FMN2: variants seen among roughly 807,000 people sequenced by gnomAD.
FMN2 encodes formin 2, also known as formin-2.
In FMN2, 51 loss-of-function variants were observed where a neutral mutation model predicts 142.3. The ratio of observed to expected loss-of-function variants is 0.36; its 90% CI spans 0.29 to 0.45. The LOEUF is 0.45. Among genes scored for constraint, FMN2 ranks in the 20% least tolerant of loss-of-function variants. FMN2 has a pLI of 1.00. For synonymous variants in FMN2, 882 were observed against 869.8 expected (o/e 1.01, Z -0.25); for missense variants, 1,936 against 2,122.8 (o/e 0.91, Z 1.73).
chr1:240,395,700 A>G (rs1449893293), intron 15 of FMN2, among the ~76,000 whole-genome samples: 1 of 152,186 alleles, frequency 6.6e-6, no homozygotes, highest in Non-Finnish European at 1.5e-5. Context: ...AGTTGCTCCA[A>G]TCTCATAATA....
chr1:240,380,741 G>T (rs1572249732), intron 14 of FMN2, among the ~76,000 whole-genome samples: 1 of 142,360 alleles, frequency 7.0e-6, no homozygotes, highest in Non-Finnish European at 1.5e-5. Flanking sequence ...AAATGGCAAA[G>T]ATCAGAGCAG....
rs185496189 is a variant in FMN2, at chr1:240,338,589, G to A, written c.4765+4360G>A. On this transcript the variant is annotated intron_variant, in intron 13 of 17. Transcript: ENST00000319653. Reference sequence around the variant, plus strand: ...GAGTGGTATGATGAAACCTCCTGCCGTCTACCTTCATCCCTTCCGGCACGT... The same window carrying A: ...GAGTGGTATGATGAAACCTCCTGCCATCTACCTTCATCCCTTCCGGCACGT... 2.9e-3 allele frequency among the ~76,000 whole-genome samples: 444 copies of A among 152,100 alleles called. 4 individuals are homozygous for A. The highest frequency in any genetic ancestry group is 0.01 in the African/African-American group (428 of 41,480).
chr1:240,102,755 G>A (rs1661457640), intron 1 of FMN2, among the ~76,000 whole-genome samples: 2 of 152,076 alleles, frequency 1.3e-5, no homozygotes, highest in African/African-American at 4.8e-5. Flanking sequence ...TCAATATTTT[G>A]GGGATAGGCA....
chr1:240,348,545 T>G (rs1366889607), intron 13 of FMN2, among the ~76,000 whole-genome samples: 1 of 151,778 alleles, frequency 6.6e-6, no homozygotes, highest in Non-Finnish European at 1.5e-5. Flanking sequence ...TTTTTTGACT[T>G]TTTAAGAAAA....
At chr1:240,304,368 A>G (rs751917034) in intron 8 of FMN2, among the ~76,000 whole-genome samples, 6 of 151,454 alleles carry the variant, frequency 4.0e-5, no homozygotes, top group Non-Finnish European at 7.4e-5. Context: ...TTGTTTTTTG[A>G]TTTTTGTAGT....
intron 2 of FMN2, among the ~76,000 whole-genome samples, chr1:240,125,310 T>G (rs1203959888): frequency 6.6e-6 from 1 of 152,250 alleles, no homozygotes; most frequent in East Asian, 1.9e-4. Context: ...GTTTCCTTCC[T>G]GAGATTTGTT....
chr1:240,161,552 G>A (rs534996189), intron 2 of FMN2, among the ~76,000 whole-genome samples: 2 of 151,570 alleles, frequency 1.3e-5, no homozygotes, highest in Admixed American at 1.3e-4. Flanking sequence ...AAAAATACAA[G>A]TGGAAAGAGT....
chr1:240,132,156 T>G (rs868239629), intron 2 of FMN2, among the ~76,000 whole-genome samples: 15 of 152,182 alleles, frequency 9.9e-5, no homozygotes, highest in Middle Eastern at 3.2e-3. Flanking sequence ...GTTAGAATAC[T>G]AAAGACGGAA....
Position 240,178,077 on chromosome 1 carries a change from T to C in FMN2, c.1930+9T>C, listed in dbSNP as rs1269432982. 6.4e-7 allele frequency: 1 copy of C among 1,570,754 alleles called. No individual in the cohort carries two copies. Among genetic ancestry groups the C allele is most frequent in the Admixed American group, 2.0e-5 (1 of 49,796 alleles). On this transcript the variant is annotated intron_variant, in intron 3 of 17. Transcript: ENST00000319653. ...CGAGGATGCTGAAACAGGTAACCCTTTCCTTTGTCTTCAGAGATAACTGGA... is the reference window on the plus strand; with the variant it reads ...CGAGGATGCTGAAACAGGTAACCCTCTCCTTTGTCTTCAGAGATAACTGGA...
chr1:240,231,966 G>A (rs766968461), intron 6 of FMN2, among the ~76,000 whole-genome samples: 11 of 152,134 alleles, frequency 7.2e-5, no homozygotes, highest in Admixed American at 1.3e-4. Context: ...TCTTCCATAT[G>A]TTTTCTTCAC....
intron 13 of FMN2, among the ~76,000 whole-genome samples, chr1:240,340,124 T>C (rs1455243694): frequency 6.6e-6 from 1 of 152,180 alleles, no homozygotes; most frequent in African/African-American, 2.4e-5. Context: ...TTCCAGACTT[T>C]GGGTACTGTC....
At chr1:240,451,603 C>A (rs1160222852) in intron 16 of FMN2, among the ~76,000 whole-genome samples, 1 of 152,076 alleles carries the variant, frequency 6.6e-6, no homozygotes, top group East Asian at 1.9e-4. Context: ...TGCTCCCCAA[C>A]AGGGGCCTCA....
At chr1:240,346,464 A>G (rs1429590656) in intron 13 of FMN2, among the ~76,000 whole-genome samples, 2 of 152,078 alleles carry the variant, frequency 1.3e-5, no homozygotes, top group African/African-American at 4.8e-5. Flanking sequence ...GAACCCATGG[A>G]TAAGGGAGGG....
At position 240,092,085 on chromosome 1, in the gene FMN2, G is replaced by GGCGGCGCA. The variant is rs749672433; in HGVS notation, c.-22_-15dup. 2.0e-6 allele frequency: 3 copies of GGCGGCGCA among 1,535,376 alleles called. No individual in the cohort carries two copies. In the African/African-American group the frequency reaches 4.1e-5, roughly 21 times the overall value. ...GGGATGGCCTGAGTGCCCGCGGCGC[G>GGCGGCGCA]GCGGCGCAGCAGCGGGATTGCACCA... On this transcript the variant is annotated 5_prime_UTR_variant, in exon 1 of 18. Coordinates refer to ENST00000319653, the MANE Select transcript of FMN2 (RefSeq NM_020066.5).
At chr1:240,316,937 A>C (rs1670802689) in intron 8 of FMN2, among the ~76,000 whole-genome samples, 1 of 152,166 alleles carries the variant, frequency 6.6e-6, no homozygotes, top group Non-Finnish European at 1.5e-5. Context: ...GGGTGTGGGC[A>C]TCATGTACAC....
chr1:240,191,590 T>TATTA (rs1665702919), intron 4 of FMN2, among the ~76,000 whole-genome samples: 1 of 152,274 alleles, frequency 6.6e-6, no homozygotes, highest in African/African-American at 2.4e-5. Flanking sequence ...TTTATTAAAA[T>TATTA]CTTTGCCATT....
In FMN2 at chr1:240,293,001, A is replaced by T. The variant is rs1040596105; in HGVS notation, c.4154-1821A>T. 4.6e-5 allele frequency among the ~76,000 whole-genome samples: 7 copies of T among 152,172 alleles called. No individual in the cohort carries two copies. The South Asian group carries it at 6.2e-4, about 14-fold the overall frequency. ...TGCTTTCCAGTGAGATTTTCTGTGG[A>T]TGAGTAAAAAATGAGATTTCATGGG... On this transcript the variant is annotated intron_variant, in intron 7 of 17. Coordinates refer to ENST00000319653, the MANE Select transcript of FMN2 (RefSeq NM_020066.5).
intron 2 of FMN2, among the ~76,000 whole-genome samples, chr1:240,160,879 A>G (rs1422849427): frequency 6.6e-6 from 1 of 152,214 alleles, no homozygotes; most frequent in African/African-American, 2.4e-5. Context: ...TAAAATTTAC[A>G]TAATTACTGA....
intron 16 of FMN2, among the ~76,000 whole-genome samples, chr1:240,446,395 A>C (rs1333929370): frequency 6.6e-6 from 1 of 152,198 alleles, no homozygotes; most frequent in East Asian, 1.9e-4. Flanking sequence ...AGCATCTTTT[A>C]ATGAGTGTGT....
Sources: allele counts gnomAD v4.1 joint callset (sites outside exome capture counted in the v4.1 genomes callset), GRCh38; gene constraint gnomAD v4.1.1; transcripts MANE v1.5; gene names NCBI Gene and HGNC (gene_info 2026-07-23, HGNC 2026-07-21).